Variants in FBXO17 observed in about 807,000 individuals in gnomAD.
FBXO17 encodes the protein F-box protein 17.
FBXO17 carries 43 observed loss-of-function variants against 34.1 expected under a neutral mutation model. That is an observed-to-expected ratio of 1.26 (90% CI 0.99 to 1.62). FBXO17 has a LOEUF of 1.62. Among genes scored for constraint, FBXO17 ranks in the 40% most tolerant of loss-of-function variants. The pLI is 0.00. For missense variants in FBXO17, 424 were observed against 386.7 expected (o/e 1.10, Z -0.81); for synonymous variants, 169 against 166.0 (o/e 1.02, Z -0.14).
At chr19:38,965,368 G>A (rs1295359391) in intron 1 of FBXO17, among the ~76,000 whole-genome samples, 5 of 148,270 alleles carry the variant, frequency 3.4e-5, no homozygotes, top group Non-Finnish European at 7.4e-5. Context: ...TCTCTCTGTC[G>A]CCCAGGCTGG....
At chr19:38,960,519 T>C (rs943606958) in intron 1 of FBXO17, among the ~76,000 whole-genome samples, 1 of 145,902 alleles carries the variant, frequency 6.9e-6, no homozygotes, top group Non-Finnish European at 1.5e-5. Flanking sequence ...AAATAATATC[T>C]TTTTTTTGAG....
chr19:38,954,829 C>T (rs1418885968), intron 1 of FBXO17, among the ~76,000 whole-genome samples: 1 of 151,306 alleles, frequency 6.6e-6, no homozygotes, highest in East Asian at 1.9e-4. Context: ...ATCCGCCCAC[C>T]TCAGCCTCCC....
In FBXO17 at chr19:38,971,788, T is replaced by TA. The variant is rs112057658; in HGVS notation, c.-18+3797dup. Among the ~76,000 whole-genome samples the TA allele has an allele frequency of 2.9e-3, 390 of 135,384 alleles. 4 individuals carry two copies. The highest frequency in any genetic ancestry group is 4.7e-3 in the Non-Finnish European group (293 of 62,120). The allele number at this position is 135,384 out of a possible 152,430, so 88.8% of individuals were successfully genotyped here. A position where few individuals can be genotyped will look rare whatever the true frequency, so the allele number is the denominator to read the frequency against. ...GGTGAGAGTGAAACCCTGTGCCAATTAAAAAAAAAAAAAGAAGAAAAGAAA... is the reference window on the plus strand; with the variant it reads ...GGTGAGAGTGAAACCCTGTGCCAATTAAAAAAAAAAAAAAGAAGAAAAGAAA... On this transcript the variant is annotated intron_variant, in intron 1 of 5. Coordinates refer to ENST00000292852, the MANE Select transcript of FBXO17 (RefSeq NM_024907.7).
intron 1 of FBXO17, among the ~76,000 whole-genome samples, chr19:38,952,110 C>T (rs1421304131): frequency 6.6e-6 from 1 of 152,028 alleles, no homozygotes; most frequent in Non-Finnish European, 1.5e-5. Flanking sequence ...GCCACCACAC[C>T]GAGCCAGTAA....
At chr19:38,955,728 G>A (rs533656944) in intron 1 of FBXO17, among the ~76,000 whole-genome samples, 1 of 151,240 alleles carries the variant, frequency 6.6e-6, no homozygotes, top group African/African-American at 2.4e-5. Context: ...AAAGGATCCT[G>A]CTGCCTTGGC....
intron 1 of FBXO17, among the ~76,000 whole-genome samples, chr19:38,958,720 CAG>C (rs1975203790): frequency 6.6e-6 from 1 of 152,106 alleles, no homozygotes. Context: ...GCTACTACAG[CAG>C]ACTGTATTTT....
intron 1 of FBXO17, among the ~76,000 whole-genome samples, chr19:38,960,369 A>T (rs1474834938): frequency 6.6e-6 from 1 of 151,444 alleles, no homozygotes; most frequent in African/African-American, 2.4e-5. Context: ...TTGCCGTCAG[A>T]TGGTGGATGG....
chr19:38,960,198 C>CA (rs1441184324), intron 1 of FBXO17, among the ~76,000 whole-genome samples: 2 of 152,028 alleles, frequency 1.3e-5, no homozygotes, highest in African/African-American at 2.4e-5. Flanking sequence ...AAATTCTGCA[C>CA]AAAAAATACC....
intron 4 of FBXO17, chr19:38,945,520 T>C (rs1389222947): frequency 3.3e-5 from 3 of 89,734 alleles, no homozygotes; most frequent in Admixed American, 1.6e-4. Flanking sequence ...ATCTGGGTGG[T>C]CCTGGGGTGG....
chr19:38,961,556 T>C (rs1025287189), intron 1 of FBXO17, among the ~76,000 whole-genome samples: 9 of 152,022 alleles, frequency 5.9e-5, no homozygotes, highest in Non-Finnish European at 1.3e-4. Context: ...ATTACAGGTG[T>C]GAGCCACCGC....
chr19:38,952,952 A>G (rs914196200), intron 1 of FBXO17, among the ~76,000 whole-genome samples: 74 of 150,886 alleles, frequency 4.9e-4, no homozygotes, highest in African/African-American at 1.8e-3. Flanking sequence ...ACTCCCCCTC[A>G]CCCTCCCATG....
chr19:38,954,562 G>A (rs889561341), intron 1 of FBXO17, among the ~76,000 whole-genome samples: 13 of 143,108 alleles, frequency 9.1e-5, no homozygotes, highest in African/African-American at 3.1e-4. Context: ...GAGCCACTGC[G>A]CCGGGCCGAG....
chr19:38,973,358 G>A (rs764881202), intron 1 of FBXO17, among the ~76,000 whole-genome samples: 10 of 151,974 alleles, frequency 6.6e-5, no homozygotes, highest in Non-Finnish European at 1.3e-4. Flanking sequence ...CTGGGCGACA[G>A]AGAGAGATTC....
chr19:38,948,909 C>G (rs1285516981), intron 2 of FBXO17, among the ~76,000 whole-genome samples: 1 of 152,188 alleles, frequency 6.6e-6, no homozygotes, highest in Non-Finnish European at 1.5e-5. Flanking sequence ...CCCTTACTTG[C>G]TCTTTCTCCT....
intron 1 of FBXO17, among the ~76,000 whole-genome samples, chr19:38,968,443 G>A (rs942124154): frequency 6.7e-6 from 1 of 149,392 alleles, no homozygotes; most frequent in South Asian, 2.1e-4. Flanking sequence ...CTATGAATGC[G>A]CCACCACCCT....
At position 38,945,161 on chromosome 19, in the gene FBXO17, C is replaced by T. The variant is rs1319845762; in HGVS notation, c.558-57G>A. ...GTCACCCAGCCAGCTCTCTGGGTTT[C>T]GGGGCGGGAGGCTGAGGGCTGGCTC... On this transcript the variant is annotated intron_variant, in intron 4 of 5. Coordinates refer to ENST00000292852, the MANE Select transcript of FBXO17 (RefSeq NM_024907.7). 2.9e-5 allele frequency: 47 copies of T among 1,603,782 alleles called. No homozygotes were observed. In the East Asian group the frequency reaches 4.0e-4, roughly 14 times the overall value.
chr19:38,948,726 C>G (rs745775294), intron 2 of FBXO17, 48 bp from the exon 3 acceptor site: 1 of 1,542,040 alleles, frequency 6.5e-7, no homozygotes, highest in African/African-American at 1.4e-5. Flanking sequence ...CCAGCCTGCC[C>G]AGAAGAGACC....
At chr19:38,959,680 C>T (rs1052679113) in intron 1 of FBXO17, among the ~76,000 whole-genome samples, 1 of 151,858 alleles carries the variant, frequency 6.6e-6, no homozygotes, top group Non-Finnish European at 1.5e-5. Context: ...CGCTTGAACC[C>T]GGGGGTTCGA....
chr19:38,953,184 G>C (rs1975111991), intron 1 of FBXO17, among the ~76,000 whole-genome samples: 1 of 151,946 alleles, frequency 6.6e-6, no homozygotes, highest in East Asian at 1.9e-4. Context: ...GTGCACACCT[G>C]TAGTCCCACC....
Sources: gnomAD v4.1 joint callset for allele counts (sites outside exome capture counted in the v4.1 genomes callset) on GRCh38, gnomAD v4.1.1 for gene constraint, MANE v1.5 for transcripts, NCBI Gene and HGNC (gene_info 2026-07-23, HGNC 2026-07-21) for gene names.